Variants in EPB41L1 observed in about 807,000 individuals in gnomAD.
The protein encoded by EPB41L1 is band 4.1-like protein 1.
A neutral mutation model predicts 97.8 loss-of-function variants in EPB41L1; 29 were observed. That is an observed-to-expected ratio of 0.30 (90% CI 0.22 to 0.40). The LOEUF is 0.40. Ranked by LOEUF, EPB41L1 falls within the 10% of genes least tolerant of loss-of-function variation. EPB41L1 has a pLI of 1.00. For missense variants in EPB41L1, 812 were observed against 1,162.3 expected (o/e 0.70, Z 4.38); for synonymous variants, 383 against 459.2 (o/e 0.83, Z 2.12).
chr20:36,142,431 C>A (rs1451242740), intron 2 of EPB41L1, among the ~76,000 whole-genome samples: 8 of 152,166 alleles, frequency 5.3e-5, no homozygotes, highest in Non-Finnish European at 1.0e-4. Flanking sequence ...CCTAAGGATC[C>A]ATTCCTAAAA....
chr20:36,125,312 G>A (rs2147707661), intron 2 of EPB41L1: 1 of 646,316 alleles, frequency 1.5e-6, no homozygotes, highest in East Asian at 2.7e-5. Context: ...GGATAGGGGT[G>A]ACCTAAGAGT....
intron 6 of EPB41L1, among the ~76,000 whole-genome samples, chr20:36,184,399 C>T (rs1347561398): frequency 2.0e-5 from 3 of 151,974 alleles, no homozygotes; most frequent in Admixed American, 6.6e-5. Flanking sequence ...ATTGTAAAAT[C>T]GTCCAACTGT....
intron 14 of EPB41L1, chr20:36,208,224 T>A: frequency 2.9e-6 from 1 of 349,084 alleles, no homozygotes; most frequent in Non-Finnish European, 5.7e-6. Flanking sequence ...TTTCCATCCT[T>A]CACTTCTGGT....
chr20:36,210,652 A>G (rs948989003), intron 15 of EPB41L1, among the ~76,000 whole-genome samples: 3 of 151,836 alleles, frequency 2.0e-5, no homozygotes, highest in African/African-American at 7.3e-5. Context: ...CAAACCTATC[A>G]TGTTCCAGGA....
intron 3 of EPB41L1, among the ~76,000 whole-genome samples, chr20:36,177,034 A>G (rs942405787): frequency 3.9e-5 from 6 of 152,090 alleles, no homozygotes; most frequent in African/African-American, 1.2e-4. Context: ...GGGCCCCAAG[A>G]TGCCATTTCT....
At chr20:36,200,973 C>A (rs1222406541) in intron 14 of EPB41L1, 1 of 457,046 alleles carries the variant, frequency 2.2e-6, no homozygotes, top group African/African-American at 2.0e-5. Context: ...GCAGCATCTC[C>A]TGAGGTTACT....
intron 2 of EPB41L1, among the ~76,000 whole-genome samples, chr20:36,133,150 A>G (rs1313065024): frequency 6.6e-6 from 1 of 152,260 alleles, no homozygotes; most frequent in Non-Finnish European, 1.5e-5. Flanking sequence ...CTGTTAGCCC[A>G]GTTGGCCTGG....
At chr20:36,159,866 A>G (rs990406416) in intron 1 of EPB41L1, among the ~76,000 whole-genome samples, 1 of 152,232 alleles carries the variant, frequency 6.6e-6, no homozygotes, top group African/African-American at 2.4e-5. Context: ...TGGCAAGTTA[A>G]TTAATCTTTC....
intron 14 of EPB41L1, among the ~76,000 whole-genome samples, chr20:36,199,524 C>T (rs1452313687): frequency 6.6e-6 from 1 of 152,148 alleles, no homozygotes; most frequent in Non-Finnish European, 1.5e-5. Flanking sequence ...TCTAGTAAGG[C>T]ATAAGTCCAG....
chr20:36,185,516 G>C (rs1273462520), intron 7 of EPB41L1, among the ~76,000 whole-genome samples, 181 bp downstream of exon 7: 1 of 152,238 alleles, frequency 6.6e-6, no homozygotes, highest in East Asian at 1.9e-4. Flanking sequence ...GTGACTGGCT[G>C]TGTGGCCTTG....
chr20:36,142,568 T>G (rs1348760811), intron 2 of EPB41L1, among the ~76,000 whole-genome samples: 1 of 152,208 alleles, frequency 6.6e-6, no homozygotes, highest in Non-Finnish European at 1.5e-5. Flanking sequence ...TATTGGCGGC[T>G]CATTATCTTA....
At position 36,209,397 on chromosome 20, in the gene EPB41L1, G is replaced by T; in HGVS notation, c.1669-91G>T. The T allele has an allele frequency of 7.7e-7, 1 of 1,292,962 alleles. No individual in the cohort carries two copies. Among genetic ancestry groups the T allele is most frequent in the South Asian group, 1.4e-5 (1 of 72,214 alleles). The allele number at this position is 1,292,962 out of a possible 1,614,324, so 80.1% of individuals were successfully genotyped here. A position where few individuals can be genotyped will look rare whatever the true frequency, so the allele number is the denominator to read the frequency against. ...CCATTCAGGATGTCGACACAGCCCCGAGATTTCTCCTGACATTCACCATCT... is the reference window on the plus strand; with the variant it reads ...CCATTCAGGATGTCGACACAGCCCCTAGATTTCTCCTGACATTCACCATCT... On this transcript the variant is annotated intron_variant, in intron 14 of 21. Transcript: ENST00000338074. The surrounding 1 kb of genome is among the most constrained non-coding windows in gnomAD (Gnocchi z 4.2).
intron 2 of EPB41L1, among the ~76,000 whole-genome samples, chr20:36,142,920 T>A (rs1774430120): frequency 6.6e-6 from 1 of 152,240 alleles, no homozygotes; most frequent in Non-Finnish European, 1.5e-5. Context: ...GAAGCTGGCA[T>A]GGCCTCCGTG....
At chr20:36,164,777 C>T (rs2060668400) in intron 1 of EPB41L1, among the ~76,000 whole-genome samples, 2 of 152,020 alleles carry the variant, frequency 1.3e-5, no homozygotes, top group South Asian at 2.1e-4. Flanking sequence ...CCTCTGCTGC[C>T]GAGGTTCAAG....
chr20:36,147,036 A>C (rs996444274), intron 2 of EPB41L1, among the ~76,000 whole-genome samples: 3 of 152,030 alleles, frequency 2.0e-5, no homozygotes, highest in African/African-American at 7.3e-5. Flanking sequence ...AGTCCCAGCT[A>C]CTTAGGGGGC....
chr20:36,098,385 C>T (rs550968917), intron 1 of EPB41L1, among the ~76,000 whole-genome samples: 2 of 152,310 alleles, frequency 1.3e-5, no homozygotes, highest in African/African-American at 4.8e-5. Context: ...TTTACTCCCC[C>T]ACTTGTGGAG....
chr20:36,195,303 C>G lies in EPB41L1; in HGVS notation c.1450-26C>G, dbSNP rs766987129. ...TCTGCTCTACTGACCCTGCTGCTTT[C>G]TTTCCCTCCTACCACATCCCACTAG... On this transcript the variant is annotated intron_variant, in intron 12 of 21. Transcript: ENST00000338074. The surrounding 1 kb of genome is among the most constrained non-coding windows in gnomAD (Gnocchi z 4.6). The G allele has an allele frequency of 1.9e-6, 3 of 1,614,086 alleles. No individual in the cohort carries two copies. In the Admixed American group the frequency reaches 5.0e-5, roughly 27 times the overall value.
chr20:36,218,838 G>C lies in EPB41L1; in HGVS notation c.2269-38G>C, dbSNP rs750695063. 3.1e-6 allele frequency: 5 copies of C among 1,606,064 alleles called. No individual in the cohort carries two copies. In the East Asian group the frequency reaches 1.1e-4, roughly 36 times the overall value. ...TCCGCCCATCCTGGGGGCCCACCCGGCTGAGAGCTGGCCATCTGAGCACTA... is the reference window on the plus strand; with the variant it reads ...TCCGCCCATCCTGGGGGCCCACCCGCCTGAGAGCTGGCCATCTGAGCACTA... On this transcript the variant is annotated intron_variant, in intron 17 of 21. Transcript: ENST00000338074.
In EPB41L1 at chr20:36,198,013, C is replaced by T. The variant is rs6089016; in HGVS notation, c.1640C>T (p.Pro547Leu). 1.4e-5 allele frequency: 22 copies of T among 1,613,666 alleles called. No individual in the cohort carries two copies. The African/African-American group carries it at 2.8e-4, about 21-fold the overall frequency. ...CCCTCCTCCCCCGCCTCCCCCTCCC[C>T]CAAGGGCACCCCTGAGAAAGCCAAT... ...RLPSSPASPS[P>L]KGTPEKANER... Residue 547 changes from proline (P) to leucine (L), a missense_variant, in exon 14 of 22, where the codon CCC (proline) becomes CTC (leucine). Physicochemically the swap from Pro to Leu is moderately conservative, Grantham distance 98. This residue lies in a region of EPB41L1 where 498 missense variants were observed against 622.7 expected (regional missense o/e 0.80). Transcript: ENST00000338074.
Sources: allele counts gnomAD v4.1 joint callset (sites outside exome capture counted in the v4.1 genomes callset), GRCh38; gene constraint gnomAD v4.1.1; regional missense constraint gnomAD v4.1.1; non-coding constraint Gnocchi (gnomAD v3.1); transcripts MANE v1.5; gene names NCBI Gene and HGNC (gene_info 2026-07-23, HGNC 2026-07-21).